The following ATXN10 variants were observed in gnomAD, a reference collection of about 807,000 sequenced individuals.
ATXN10 encodes the protein ataxin 10.
A neutral mutation model predicts 52.9 loss-of-function variants in ATXN10; 28 were observed. That is an observed-to-expected ratio of 0.53 (90% CI 0.39 to 0.73). ATXN10 has a LOEUF of 0.73. ATXN10 is among the 30% of genes least tolerant of loss of function. The pLI is 0.00. For synonymous variants in ATXN10, 226 were observed against 221.5 expected, an observed-to-expected ratio of 1.02 and a Z score of -0.18; for missense variants, 565 against 577.0, an observed-to-expected ratio of 0.98 and a Z score of 0.21.
intron 9 of ATXN10, among the ~76,000 whole-genome samples, chr22:45,777,985 T>G (rs1313611557): frequency 1.3e-5 from 2 of 152,124 alleles, no homozygotes; most frequent in East Asian, 3.8e-4. Context: ...GTAAATAAAG[T>G]TTTATTGGGA....
chr22:45,798,479 A>G (rs1039081092), intron 9 of ATXN10, among the ~76,000 whole-genome samples: 1 of 152,230 alleles, frequency 6.6e-6, no homozygotes, highest in Non-Finnish European at 1.5e-5. Flanking sequence ...ATTTACACTC[A>G]TTCACGTCAA....
intron 3 of ATXN10, 38 bp from the exon 4 acceptor site, chr22:45,700,244 C>G: frequency 7.8e-7 from 1 of 1,286,204 alleles, no homozygotes; most frequent in Non-Finnish European, 1.1e-6. Context: ...TGTGTTTAAT[C>G]ATTTATTTAT....
chr22:45,688,134 G>C lies in ATXN10; in HGVS notation c.117-1578G>C, dbSNP rs959737775. ...TCACTAAAAAATGGCTTATGTACTT[G>C]TTTCATACAGTTTATTGAGGCAAGA... On this transcript the variant is annotated intron_variant, in intron 1 of 11. Transcript: ENST00000252934. This position sits in a 1 kb window ranked among gnomAD's most constrained non-coding sequence, Gnocchi z 4.0. 1.3e-5 allele frequency among the ~76,000 whole-genome samples: 2 copies of C among 152,138 alleles called. No individual in the cohort carries two copies. The highest frequency in any genetic ancestry group is 4.8e-5 in the African/African-American group (2 of 41,428).
At position 45,677,703 on chromosome 22, in the gene ATXN10, A is replaced by G. The variant is rs995142619; in HGVS notation, c.116+5524A>G. On this transcript the variant is annotated intron_variant, in intron 1 of 11. Coordinates refer to ENST00000252934, the MANE Select transcript of ATXN10 (RefSeq NM_013236.4). The surrounding 1 kb of genome is among the most constrained non-coding windows in gnomAD (Gnocchi z 4.1). ...AAGAAAAATAAAGGCCAATAAGCGTATGATAAAGTGCTCCAAATCACTAGT... is the reference window on the plus strand; with the variant it reads ...AAGAAAAATAAAGGCCAATAAGCGTGTGATAAAGTGCTCCAAATCACTAGT... The G allele has an allele frequency of 6.6e-6, 1 of 152,238 alleles. No individual in the cohort carries two copies. Among genetic ancestry groups the G allele is most frequent in the Non-Finnish European group, 1.5e-5 (1 of 68,044 alleles). 9.4% of individuals were successfully genotyped at this position (152,238 alleles called of 1,614,324 possible).
Position 45,754,281 on chromosome 22 carries a change from A to C in ATXN10, c.1173+13743A>C, listed in dbSNP as rs560887500. 3.3e-5 allele frequency among the ~76,000 whole-genome samples: 5 copies of C among 152,358 alleles called. No individual in the cohort carries two copies. The highest frequency in any genetic ancestry group is 1.2e-4 in the African/African-American group (5 of 41,590). ...TCTAGGATATTCTTGCTTTCTACCC[A>C]GGCAACACCTCACATGTTGACTTAA... On this transcript the variant is annotated intron_variant, in intron 9 of 11. Transcript: ENST00000252934. This position sits in a 1 kb window ranked among gnomAD's most constrained non-coding sequence, Gnocchi z 5.4.
At chr22:45,710,193 G>A (rs954225553) in intron 5 of ATXN10, among the ~76,000 whole-genome samples, 1 of 152,158 alleles carries the variant, frequency 6.6e-6, no homozygotes, top group Non-Finnish European at 1.5e-5. Context: ...ATGTCCTGGC[G>A]TCTGACTGAC....
At chr22:45,698,663 G>A (rs1003612442) in intron 3 of ATXN10, among the ~76,000 whole-genome samples, 13 of 152,144 alleles carry the variant, frequency 8.5e-5, no homozygotes, top group Non-Finnish European at 1.9e-4. Context: ...GATAGCTTGT[G>A]TTTCGCCACA....
At chr22:45,771,431 T>TC (rs1478159692) in intron 9 of ATXN10, among the ~76,000 whole-genome samples, 7 of 150,564 alleles carry the variant, frequency 4.6e-5, no homozygotes, top group African/African-American at 1.7e-4. Flanking sequence ...TTTTTTTTTT[T>TC]CTTGAGATGG....
rs932167652 is a variant in ATXN10, at chr22:45,671,997, A to C, written c.-67A>C. Reference sequence around the variant, plus strand: ...GCCATCCTACTCCTCCCTCCTCGTCATCCTCCCCCTTCGTCCTCCTCGCCT... The same window carrying C: ...GCCATCCTACTCCTCCCTCCTCGTCCTCCTCCCCCTTCGTCCTCCTCGCCT... On this transcript the variant is annotated 5_prime_UTR_variant, in exon 1 of 12. Coordinates refer to ENST00000252934, the MANE Select transcript of ATXN10 (RefSeq NM_013236.4). The C allele has an allele frequency of 2.0e-6, 3 of 1,501,760 alleles. No individual in the cohort carries two copies. The Admixed American group carries it at 6.0e-5, about 30-fold the overall frequency. The allele number at this position is 1,501,760 out of a possible 1,614,324, so 93.0% of individuals were successfully genotyped here.
intron 10 of ATXN10, chr22:45,811,672 A>G: frequency 4.3e-6 from 2 of 468,794 alleles, no homozygotes; most frequent in Non-Finnish European, 8.9e-6. Flanking sequence ...ATGTTCACAC[A>G]ATGATGATAT....
chr22:45,831,866 C>T (rs1929003601), intron 10 of ATXN10, among the ~76,000 whole-genome samples: 1 of 152,196 alleles, frequency 6.6e-6, no homozygotes, highest in Non-Finnish European at 1.5e-5. Flanking sequence ...TTAAGCCCAC[C>T]CAGAGCCTGT....
At chr22:45,722,163 T>A (rs1321843545) in intron 6 of ATXN10, among the ~76,000 whole-genome samples, 1 of 152,228 alleles carries the variant, frequency 6.6e-6, no homozygotes, top group Non-Finnish European at 1.5e-5. Context: ...TCTAGACGGC[T>A]GTAGCCTCTA....
chr22:45,740,653 A>C (rs1925476187), intron 9 of ATXN10, 115 bp downstream of exon 9: 2 of 753,580 alleles, frequency 2.7e-6, no homozygotes, highest in African/African-American at 1.8e-5. Flanking sequence ...AGTAGCTTGG[A>C]TAGAGAGATA....
At chr22:45,746,665 C>T (rs1490389011) in intron 9 of ATXN10, among the ~76,000 whole-genome samples, 1 of 140,188 alleles carries the variant, frequency 7.1e-6, no homozygotes. Context: ...ACTTCCCAAC[C>T]TTCATACTTT....
In ATXN10 at chr22:45,741,752, T is replaced by G. The variant is rs553816695; in HGVS notation, c.1173+1214T>G. 8.5e-5 allele frequency among the ~76,000 whole-genome samples: 13 copies of G among 152,258 alleles called. No homozygotes were observed. The East Asian group carries it at 2.5e-3, about 29-fold the overall frequency. ...GTAGCCCAGTCAGTTACTGTTGGAC[T>G]GATCCTTCTTCAAATAGCAATTATA... is the stretch of plus-strand genomic sequence containing the variant. On this transcript the variant is annotated intron_variant, in intron 9 of 11. Coordinates refer to ENST00000252934, the MANE Select transcript of ATXN10 (RefSeq NM_013236.4).
intron 6 of ATXN10, among the ~76,000 whole-genome samples, chr22:45,724,380 C>T (rs1039108456): frequency 4.6e-5 from 7 of 152,026 alleles, no homozygotes; most frequent in Non-Finnish European, 1.0e-4. Context: ...GTTAAGGTGG[C>T]ATCTCATTGT....
chr22:45,693,020 T>C lies in ATXN10; in HGVS notation c.333T>C (p.Ala111=). Residue 111 remains alanine (A), a synonymous_variant, in exon 3 of 12, where the codon GCT becomes GCC. Transcript: ENST00000252934. The part of the protein sequence containing the change: ...SIRNLDTIGV[A]VDLILLFREL... Reference sequence around the variant, plus strand: ...GGAACTTGGATACGATTGGTGTTGCTGTTGATTTGATTCTTCTGTTTCGTG... The same window carrying C: ...GGAACTTGGATACGATTGGTGTTGCCGTTGATTTGATTCTTCTGTTTCGTG... 1 of 1,614,128 alleles carries C rather than the reference T, an allele frequency of 6.2e-7. No homozygotes were observed. Among genetic ancestry groups the C allele is most frequent in the Non-Finnish European group, 8.5e-7 (1 of 1,179,986 alleles).
chr22:45,699,063 G>A (rs759057141), intron 3 of ATXN10, among the ~76,000 whole-genome samples: 16 of 152,190 alleles, frequency 1.1e-4, no homozygotes, highest in African/African-American at 2.2e-4. Context: ...GTGGTATGAC[G>A]AATATATTAT....
chr22:45,823,069 A>T lies in ATXN10; in HGVS notation c.1237+16047A>T, dbSNP rs1325241425. 4.5e-6 allele frequency: 2 copies of T among 442,310 alleles called. No homozygotes were observed. The highest frequency in any genetic ancestry group is 3.4e-5 in the South Asian group (2 of 58,716). The allele number at this position is 442,310 out of a possible 1,614,324, so 27.4% of individuals were successfully genotyped here. ...ATTATTTCATTGAGGTATAACTTAA[A>T]TAGAGTAAACTGCAAAATTTTTAAG... On this transcript the variant is annotated intron_variant, in intron 10 of 11. Transcript: ENST00000252934. This position sits in a 1 kb window ranked among gnomAD's most constrained non-coding sequence, Gnocchi z 4.9.
Sources: gnomAD v4.1 joint callset for allele counts (sites outside exome capture counted in the v4.1 genomes callset) on GRCh38, gnomAD v4.1.1 for gene constraint, Gnocchi (gnomAD v3.1) non-coding constraint, MANE v1.5 for transcripts, NCBI Gene and HGNC (gene_info 2026-07-23, HGNC 2026-07-21) for gene names.